FAM13A: variants seen among roughly 807,000 people sequenced by gnomAD.
FAM13A encodes family with sequence similarity 13 member A, also known as protein FAM13A.
A neutral mutation model predicts 129.6 loss-of-function variants in FAM13A; 76 were observed. The observed-to-expected ratio is 0.59, with a 90% CI of 0.49 to 0.71. The LOEUF (loss-of-function observed/expected upper bound fraction) is 0.71, where lower values mean the gene tolerates loss of function less well. FAM13A is among the 30% of genes least tolerant of loss of function. The pLI, the probability that FAM13A is intolerant of heterozygous loss-of-function variation, is 0.00. For missense variants in FAM13A, 1,108 were observed against 1,249.3 expected, an observed-to-expected ratio of 0.89 and a Z score of 1.70; for synonymous variants, 443 against 449.9, an observed-to-expected ratio of 0.98 and a Z score of 0.20.
At chr4:88,858,718 T>C (rs1408424627) in intron 6 of FAM13A, among the ~76,000 whole-genome samples, 1 of 152,104 alleles carries the variant, frequency 6.6e-6, no homozygotes, top group Admixed American at 6.6e-5. Flanking sequence ...AATAGATTAG[T>C]GGCTGGCAGG....
chr4:88,921,154 C>T (rs1311529785), intron 5 of FAM13A, among the ~76,000 whole-genome samples: 1 of 152,046 alleles, frequency 6.6e-6, no homozygotes, highest in Non-Finnish European at 1.5e-5. Flanking sequence ...AGAACTTCCC[C>T]AATCTAGCAA....
Position 89,038,862 on chromosome 4 carries a change from T to G in FAM13A, c.28-9213A>C, listed in dbSNP as rs544513403. ...TCAACTGAAAGGTTGTTGGAGAATATGATTTTCATAGTGTCAAAAAGATTA... is the reference window on the plus strand; with the variant it reads ...TCAACTGAAAGGTTGTTGGAGAATAGGATTTTCATAGTGTCAAAAAGATTA... On this transcript the variant is annotated intron_variant, in intron 1 of 23. Transcript: ENST00000264344. 9.2e-5 allele frequency among the ~76,000 whole-genome samples: 14 copies of G among 152,256 alleles called. No individual in the cohort carries two copies. The South Asian group carries it at 2.9e-3, about 32-fold the overall frequency.
In FAM13A at chr4:88,823,124, C is replaced by T. The variant is rs1732357831; in HGVS notation, c.1008-18072G>A. 4.0e-5 allele frequency: 61 copies of T among 1,522,302 alleles called. No individual in the cohort carries two copies. In the South Asian group the frequency reaches 7.4e-4, roughly 18 times the overall value. The allele number at this position is 1,522,302 out of a possible 1,614,324, so 94.3% of individuals were successfully genotyped here. A position where few individuals can be genotyped will look rare whatever the true frequency, so the allele number is the denominator to read the frequency against. On this transcript the variant is annotated intron_variant, in intron 7 of 23. Transcript: ENST00000264344. ...CTGGGTTGGGGGCATGAGGCTGCACCGCACGGCTGGAGAAACAACTTGCTC... is the reference window on the plus strand; with the variant it reads ...CTGGGTTGGGGGCATGAGGCTGCACTGCACGGCTGGAGAAACAACTTGCTC...
chr4:89,007,362 G>A (rs1036163191), intron 3 of FAM13A, among the ~76,000 whole-genome samples: 6 of 152,076 alleles, frequency 3.9e-5, no homozygotes, highest in African/African-American at 1.2e-4. Flanking sequence ...TAACATTCAA[G>A]CAGCCATCTG....
At chr4:88,739,325 A>C (rs1240411587) in intron 19 of FAM13A, among the ~76,000 whole-genome samples, 200 bp from the exon 20 acceptor site, 1 of 152,194 alleles carries the variant, frequency 6.6e-6, no homozygotes, top group Non-Finnish European at 1.5e-5. Flanking sequence ...GCTGCAGATC[A>C]GTGGAAGTCA....
intron 4 of FAM13A, among the ~76,000 whole-genome samples, chr4:88,960,607 T>C (rs1758457698): frequency 6.6e-6 from 1 of 152,140 alleles, no homozygotes; most frequent in South Asian, 2.1e-4. Context: ...ATGTAAGCAC[T>C]CTCAGCAAGA....
At chr4:88,968,997 G>C (rs1171332896) in intron 4 of FAM13A, among the ~76,000 whole-genome samples, 1 of 152,120 alleles carries the variant, frequency 6.6e-6, no homozygotes, top group Non-Finnish European at 1.5e-5. Context: ...TTTAAAAGAT[G>C]TTCCAAAGAG....
chr4:88,854,470 C>T (rs1370605272), intron 6 of FAM13A, among the ~76,000 whole-genome samples: 1 of 152,208 alleles, frequency 6.6e-6, no homozygotes, highest in Non-Finnish European at 1.5e-5. Context: ...GGGAGGCCAG[C>T]TTTCTCTTTC....
intron 2 of FAM13A, among the ~76,000 whole-genome samples, chr4:89,022,896 C>G (rs1305125107): frequency 6.6e-6 from 1 of 152,088 alleles, no homozygotes; most frequent in Non-Finnish European, 1.5e-5. Context: ...CAGAATCCTG[C>G]CAACAACCAC....
intron 6 of FAM13A, among the ~76,000 whole-genome samples, chr4:88,890,947 G>A (rs1169536325): frequency 1.3e-5 from 2 of 152,026 alleles, no homozygotes. Flanking sequence ...AACGTGAATA[G>A]ACCTATATCC....
At chr4:88,770,707 C>A (rs1454848478) in intron 11 of FAM13A, among the ~76,000 whole-genome samples, 1 of 151,476 alleles carries the variant, frequency 6.6e-6, no homozygotes. Context: ...ACAGAGGAAC[C>A]AAAATGTAAT....
intron 4 of FAM13A, among the ~76,000 whole-genome samples, chr4:88,954,744 GGT>G (rs1757474288): frequency 1.3e-5 from 2 of 152,028 alleles, no homozygotes; most frequent in African/African-American, 4.8e-5. Flanking sequence ...AAATTAGCCA[GGT>G]ATGGTGGTGC....
rs530646102 is a variant in FAM13A at position 89,036,691 on chromosome 4, G to C, written c.28-7042C>G. On this transcript the variant is annotated intron_variant, in intron 1 of 23. Coordinates refer to ENST00000264344, the MANE Select transcript of FAM13A (RefSeq NM_014883.4). ...CTTCACAGCAGCCCCTCCCATCACA[G>C]GGCTGGAGGCCTAGGAGGGAAGAAT... 7.9e-5 allele frequency among the ~76,000 whole-genome samples: 12 copies of C among 152,308 alleles called. No individual in the cohort carries two copies. The South Asian group carries it at 2.1e-3, about 26-fold the overall frequency.
intron 21 of FAM13A, 191 bp from the exon 22 acceptor site, chr4:88,732,389 A>T: frequency 2.2e-6 from 1 of 446,970 alleles, no homozygotes; most frequent in Non-Finnish European, 3.9e-6. Flanking sequence ...TACACATTTA[A>T]TAACACAATG....
chr4:88,986,980 G>A (rs1762314186), intron 4 of FAM13A, among the ~76,000 whole-genome samples: 2 of 152,116 alleles, frequency 1.3e-5, no homozygotes, highest in South Asian at 4.1e-4. Context: ...GCTTCTAAAT[G>A]TAATTCTTCT....
At chr4:88,986,529 T>C (rs573946285) in intron 4 of FAM13A, among the ~76,000 whole-genome samples, 11 of 152,344 alleles carry the variant, frequency 7.2e-5, no homozygotes, top group African/African-American at 2.6e-4. Context: ...TGGAAATGGA[T>C]TGAAACAAGT....
At chr4:88,732,271 A>G (rs548038772) in intron 21 of FAM13A, 73 bp from the exon 22 acceptor site, 50 of 1,089,508 alleles carry the variant, frequency 4.6e-5, no homozygotes, top group Non-Finnish European at 6.0e-5. Flanking sequence ...AGTATCATTT[A>G]ATAATCATTT....
At chr4:88,893,351 G>A (rs573966481) in intron 6 of FAM13A, among the ~76,000 whole-genome samples, 1 of 152,236 alleles carries the variant, frequency 6.6e-6, no homozygotes, top group Non-Finnish European at 1.5e-5. Context: ...CAGGCTGGGT[G>A]CAGTGGCTCA....
intron 6 of FAM13A, among the ~76,000 whole-genome samples, chr4:88,901,912 C>T (rs1352291534): frequency 6.6e-6 from 1 of 151,930 alleles, no homozygotes; most frequent in East Asian, 1.9e-4. Context: ...GGGGATATTA[C>T]CACTGACCCC....
Sources: gnomAD v4.1 joint callset for allele counts (sites outside exome capture counted in the v4.1 genomes callset) on GRCh38, gnomAD v4.1.1 for gene constraint, MANE v1.5 for transcripts, NCBI Gene and HGNC (gene_info 2026-07-23, HGNC 2026-07-21) for gene names.